Variants in NPHP4 observed in about 807,000 individuals in gnomAD.
NPHP4 encodes nephrocystin 4, also known as nephrocystin-4.
Under a neutral mutation model 155.8 loss-of-function variants are expected in NPHP4, and 151 were observed. The ratio of observed to expected loss-of-function variants is 0.97; its 90% CI spans 0.85 to 1.11. The LOEUF is 1.11. NPHP4 is among the 50% of genes least tolerant of loss of function. The pLI, the probability that NPHP4 is intolerant of heterozygous loss-of-function variation, is 0.00. For synonymous variants in NPHP4, 845 were observed against 816.8 expected, an observed-to-expected ratio of 1.03 and a Z score of -0.59; for missense variants, 1,956 against 1,925.7, an observed-to-expected ratio of 1.02 and a Z score of -0.29.
chr1:5,867,340 T>A lies in NPHP4; in HGVS notation c.3473-225A>T, dbSNP rs1641348944. 1.8e-6 allele frequency: 1 copy of A among 562,840 alleles called. No individual in the cohort carries two copies. The highest frequency in any genetic ancestry group is 2.9e-5 in the East Asian group (1 of 34,490). The allele number at this position is 562,840 out of a possible 1,614,324, so 34.9% of individuals were successfully genotyped here. On this transcript the variant is annotated intron_variant, in intron 24 of 29. Coordinates refer to ENST00000378156, the MANE Select transcript of NPHP4 (RefSeq NM_015102.5). The surrounding 1 kb of genome is among the most constrained non-coding windows in gnomAD (Gnocchi z 4.1). Reference sequence around the variant, plus strand: ...GCCCACTGCGGCTCGGCTGCAGCCATCTCCACAGGGAATAATCGAGGGGGC... The same window carrying A: ...GCCCACTGCGGCTCGGCTGCAGCCAACTCCACAGGGAATAATCGAGGGGGC...
chr1:5,909,768 A>G (rs966811713), intron 11 of NPHP4, among the ~76,000 whole-genome samples: 2 of 152,134 alleles, frequency 1.3e-5, no homozygotes, highest in African/African-American at 4.8e-5. Context: ...CCAGCCCTTC[A>G]TGGGGTCCCC....
chr1:5,955,111 C>A (rs1034282227), intron 6 of NPHP4, among the ~76,000 whole-genome samples: 8 of 151,696 alleles, frequency 5.3e-5, no homozygotes, highest in African/African-American at 1.9e-4. Context: ...CGTTCGAATA[C>A]CTGTAGGCAC....
At chr1:5,894,821 C>A (rs1260622907) in intron 16 of NPHP4, among the ~76,000 whole-genome samples, 1 of 152,132 alleles carries the variant, frequency 6.6e-6, no homozygotes, top group Non-Finnish European at 1.5e-5. Flanking sequence ...CTTTAAAATT[C>A]TTCAGAAAGA....
chr1:5,922,500 C>T (rs1645792571), intron 11 of NPHP4, among the ~76,000 whole-genome samples: 1 of 152,028 alleles, frequency 6.6e-6, no homozygotes, highest in Non-Finnish European at 1.5e-5. Context: ...AAGGTGAAGC[C>T]TCCCTCCTTC....
chr1:5,954,664 C>T (rs867970858), intron 6 of NPHP4, among the ~76,000 whole-genome samples: 12 of 152,238 alleles, frequency 7.9e-5, no homozygotes, highest in Middle Eastern at 6.8e-3. Flanking sequence ...TGAGATGAGA[C>T]GCCCTACCTC....
At chr1:5,893,795 C>A (rs954073404) in intron 16 of NPHP4, among the ~76,000 whole-genome samples, 3 of 152,184 alleles carry the variant, frequency 2.0e-5, no homozygotes, top group Non-Finnish European at 4.4e-5. Context: ...TTTTCGCTAC[C>A]GCTAGACCAT....
At chr1:5,926,497 T>C (rs1454088105) in intron 11 of NPHP4, among the ~76,000 whole-genome samples, 1 of 152,196 alleles carries the variant, frequency 6.6e-6, no homozygotes, top group East Asian at 1.9e-4. Flanking sequence ...ACTGAACACG[T>C]ACAGACTCTT....
intron 3 of NPHP4, among the ~76,000 whole-genome samples, chr1:5,974,104 T>C (rs1260856003): frequency 6.6e-6 from 1 of 152,258 alleles, no homozygotes; most frequent in Non-Finnish European, 1.5e-5. Context: ...TGATACTCCT[T>C]GACAGCATCC....
chr1:5,930,829 G>A (rs1308126692), intron 10 of NPHP4, among the ~76,000 whole-genome samples: 1 of 152,194 alleles, frequency 6.6e-6, no homozygotes, highest in Non-Finnish European at 1.5e-5. Context: ...ATTGCTGATG[G>A]AATAGCTAGT....
At chr1:5,933,932 C>T (rs1201058532) in intron 9 of NPHP4, among the ~76,000 whole-genome samples, 1 of 152,186 alleles carries the variant, frequency 6.6e-6, no homozygotes, top group Non-Finnish European at 1.5e-5. Flanking sequence ...CTGCTTCTCT[C>T]TGGCTGGCCA....
Position 5,883,761 on chromosome 1 carries a change from G to A in NPHP4, c.2486-3522C>T, listed in dbSNP as rs1399529881. On this transcript the variant is annotated intron_variant, in intron 18 of 29. Coordinates refer to ENST00000378156, the MANE Select transcript of NPHP4 (RefSeq NM_015102.5). ...AATGGTTCCCTGAATCGCAGACGAG[G>A]CCTCTGGTCCACCCACATCTGACTG... Among the ~76,000 whole-genome samples the A allele has an allele frequency of 2.0e-5, 3 of 152,176 alleles. No homozygotes were observed. In the South Asian group the frequency reaches 6.2e-4, roughly 31 times the overall value.
At chr1:5,891,059 G>A in intron 16 of NPHP4, 31 bp from the exon 17 acceptor site, 1 of 1,445,950 alleles carries the variant, frequency 6.9e-7, no homozygotes, top group Non-Finnish European at 9.2e-7. Context: ...GAGGCCAAAA[G>A]TAATTGGAGT....
intron 23 of NPHP4, chr1:5,868,227 G>GA: frequency 2.4e-6 from 1 of 408,440 alleles, no homozygotes; most frequent in East Asian, 5.8e-5. Flanking sequence ...CTCCTGCCAT[G>GA]ATCCCACCTC....
At chr1:5,897,846 G>A (rs1036344813) in intron 16 of NPHP4, among the ~76,000 whole-genome samples, 33 of 152,202 alleles carry the variant, frequency 2.2e-4, no homozygotes, top group African/African-American at 5.8e-4. Context: ...AGAGATGCAC[G>A]TTGCTTATTT....
chr1:5,894,468 A>T (rs1644296966), intron 16 of NPHP4, among the ~76,000 whole-genome samples: 1 of 152,056 alleles, frequency 6.6e-6, no homozygotes, highest in African/African-American at 2.4e-5. Flanking sequence ...AAAAAAAGGT[A>T]AAATTTTTTA....
chr1:5,915,440 T>C (rs973960119), intron 11 of NPHP4, among the ~76,000 whole-genome samples: 2 of 152,182 alleles, frequency 1.3e-5, no homozygotes, highest in African/African-American at 4.8e-5. Flanking sequence ...GCAAACCCAC[T>C]TGAAAGGCCT....
At chr1:5,978,480 CCATGTGGGTG>C in intron 2 of NPHP4, 67 bp from the exon 3 acceptor site, 1 of 1,498,404 alleles carries the variant, frequency 6.7e-7, no homozygotes, top group Non-Finnish European at 9.1e-7. Flanking sequence ...CACTGGCAGG[CCATGTGGGTG>C]CATATGGGGC....
intron 25 of NPHP4, 95 bp from the exon 26 acceptor site, chr1:5,866,553 G>T: frequency 1.4e-6 from 1 of 731,606 alleles, no homozygotes; most frequent in Non-Finnish European, 2.5e-6. Context: ...AGCGAGTGAC[G>T]GCCAGTCCCT....
chr1:5,890,997 C>T lies in NPHP4; in HGVS notation c.2175G>A (p.Val725=). 1 of 1,568,030 alleles carries T rather than the reference C, an allele frequency of 6.4e-7. No homozygotes were observed. Among genetic ancestry groups the T allele is most frequent in the Non-Finnish European group, 8.7e-7 (1 of 1,145,624 alleles). ...CACCTGGCTTCAGGAACCCAGGGCC[C>T]ACCATGTACCTCAGCTGGAAGCCAG... ...GSPGFQLRYM[V]GPGFLKPGER... Residue 725 remains valine (V), a synonymous_variant, in exon 17 of 30, where the codon GTG becomes GTA. Coordinates refer to ENST00000378156, the MANE Select transcript of NPHP4 (RefSeq NM_015102.5). The surrounding 1 kb of genome is among the most constrained non-coding windows in gnomAD (Gnocchi z 4.9).
Sources: gnomAD v4.1 joint callset for allele counts (sites outside exome capture counted in the v4.1 genomes callset) on GRCh38, gnomAD v4.1.1 for gene constraint, Gnocchi (gnomAD v3.1) non-coding constraint, MANE v1.5 for transcripts, NCBI Gene and HGNC (gene_info 2026-07-23, HGNC 2026-07-21) for gene names.